DZIP3: variants seen among roughly 807,000 people sequenced by gnomAD.
DZIP3 encodes the protein DAZ interacting zinc finger protein 3, also known as E3 ubiquitin-protein ligase DZIP3.
A neutral mutation model predicts 162.0 loss-of-function variants in DZIP3; 118 were observed. That is an observed-to-expected ratio of 0.73 (90% CI 0.63 to 0.85). The LOEUF (loss-of-function observed/expected upper bound fraction) is 0.85, where lower values mean the gene tolerates loss of function less well. DZIP3 is among the 40% of genes least tolerant of loss of function. The pLI, the probability that DZIP3 is intolerant of heterozygous loss-of-function variation, is 0.00. For synonymous variants in DZIP3, 438 were observed against 458.6 expected (o/e 0.96, Z 0.57); for missense variants, 1,331 against 1,407.0 (o/e 0.95, Z 0.86).
At chr3:108,674,930 A>G (rs1944050120) in intron 24 of DZIP3, among the ~76,000 whole-genome samples, 1 of 151,960 alleles carries the variant, frequency 6.6e-6, no homozygotes, top group South Asian at 2.1e-4. Context: ...TTATCAGGAT[A>G]TACTGATGTG....
At position 108,694,325 on chromosome 3, in the gene DZIP3, A is replaced by G. The variant is rs1362392032; in HGVS notation, c.*972A>G. 2 of 152,240 alleles carry G rather than the reference A, an allele frequency of 1.3e-5. No individual in the cohort carries two copies. Among genetic ancestry groups the G allele is most frequent in the Non-Finnish European group, 2.9e-5 (2 of 68,074 alleles). The allele number at this position is 152,240 out of a possible 1,614,324, so 9.4% of individuals were successfully genotyped here. ...GCCAAGAATGTCTTAGAATTGCACA[A>G]TTTAGAATTTATAGAGCCTTTAATC... On this transcript the variant is annotated 3_prime_UTR_variant, in exon 33 of 33. Coordinates refer to ENST00000361582, the MANE Select transcript of DZIP3 (RefSeq NM_014648.4).
intron 4 of DZIP3, 95 bp downstream of exon 4, chr3:108,611,424 G>A: frequency 6.9e-7 from 1 of 1,444,064 alleles, no homozygotes; most frequent in Non-Finnish European, 9.3e-7. Context: ...GTATAGCCAA[G>A]GTCTTGAAAA....
intron 24 of DZIP3, 37 bp from the exon 25 acceptor site, chr3:108,675,745 AAAAG>A (rs765719855): frequency 3.8e-5 from 60 of 1,559,204 alleles, no homozygotes; most frequent in Non-Finnish European, 5.0e-5. Context: ...AAGTGTTATA[AAAAG>A]AAAGAGTTTT....
At chr3:108,658,573 TAAAAG>T (rs1943258541) in intron 19 of DZIP3, among the ~76,000 whole-genome samples, 1 of 151,370 alleles carries the variant, frequency 6.6e-6, no homozygotes, top group Admixed American at 6.6e-5. Flanking sequence ...ACATCACAAT[TAAAAG>T]AACTAGAGAA....
intron 13 of DZIP3, among the ~76,000 whole-genome samples, chr3:108,643,215 A>T (rs895679572): frequency 6.6e-6 from 1 of 152,168 alleles, no homozygotes; most frequent in Non-Finnish European, 1.5e-5. Context: ...TCCATATAAC[A>T]CCAAATGCCA....
At position 108,608,108 on chromosome 3, in the gene DZIP3, C is replaced by G. The variant is rs1241939537; in HGVS notation, c.52C>G (p.Gln18Glu). Residue 18 changes from glutamine (Q) to glutamate (E), a missense_variant, in exon 3 of 33, where the codon CAG (glutamine) becomes GAG (glutamate). Gln to Glu is a conservative substitution (Grantham distance 29, BLOSUM62 2). Transcript: ENST00000361582. Reference sequence around the variant, plus strand: ...AAATAGGCATCCTGCTGTGGAGGATCAGAGGAAGGAAGAAACTGAGAATAA... The same window carrying G: ...AAATAGGCATCCTGCTGTGGAGGATGAGAGGAAGGAAGAAACTGAGAATAA... ...FFVRHPAVED[Q>E]RKEETENKLE... 2.0e-5 allele frequency: 33 copies of G among 1,613,010 alleles called. No homozygotes were observed. The highest frequency in any genetic ancestry group is 2.6e-5 in the Non-Finnish European group (31 of 1,179,366).
chr3:108,637,426 T>C, intron 11 of DZIP3, 70 bp from the exon 12 acceptor site: 1 of 1,376,252 alleles, frequency 7.3e-7, no homozygotes. Context: ...AATGTTAAGC[T>C]AAGAAATAAC....
At chr3:108,668,023 T>C (rs970906978) in intron 21 of DZIP3, among the ~76,000 whole-genome samples, 1 of 152,156 alleles carries the variant, frequency 6.6e-6, no homozygotes. Context: ...TGTGATAAAA[T>C]ATAAATATTC....
Position 108,644,781 on chromosome 3 carries a change from G to C in DZIP3, c.1759G>C (p.Gly587Arg). The change falls in exon 14 of 33, where the codon GGA (glycine) becomes CGA (arginine). Residue 587 changes from glycine to arginine, a missense_variant and splice_region_variant. Coordinates refer to ENST00000361582, the MANE Select transcript of DZIP3 (RefSeq NM_014648.4). ...GAGGATGTTATCCTGCTATCAACAA[G>C]GTACTAAATGATTATTTACTTCAGC... The part of the protein sequence containing the change: ...IQRMLSCYQQ[G>R]IALQSITGSQ... The C allele has an allele frequency of 6.3e-7, 1 of 1,590,796 alleles. No homozygotes were observed. The highest frequency in any genetic ancestry group is 1.7e-4 in the Middle Eastern group (1 of 6,022).
intron 25 of DZIP3, among the ~76,000 whole-genome samples, chr3:108,677,212 T>C (rs1432325132): frequency 6.6e-6 from 1 of 152,088 alleles, no homozygotes. Flanking sequence ...ATTTTAGAGC[T>C]GAAAATTTTG....
At chr3:108,600,032 G>C (rs1335560127) in intron 1 of DZIP3, among the ~76,000 whole-genome samples, 1 of 151,756 alleles carries the variant, frequency 6.6e-6, no homozygotes, top group Non-Finnish European at 1.5e-5. Flanking sequence ...TTAAAATTCT[G>C]ATTCCAAGGA....
At chr3:108,666,223 A>T (rs972283441) in intron 21 of DZIP3, among the ~76,000 whole-genome samples, 1 of 152,138 alleles carries the variant, frequency 6.6e-6, no homozygotes, top group Admixed American at 6.5e-5. Context: ...GGGATATATC[A>T]TGCAGATGTT....
chr3:108,630,093 G>T (rs988732201), intron 8 of DZIP3, among the ~76,000 whole-genome samples: 1 of 151,924 alleles, frequency 6.6e-6, no homozygotes, highest in East Asian at 1.9e-4. Context: ...TCAGAAAATT[G>T]TACCACTTTA....
At chr3:108,598,535 C>G (rs1254041763) in intron 1 of DZIP3, among the ~76,000 whole-genome samples, 1 of 152,140 alleles carries the variant, frequency 6.6e-6, no homozygotes, top group Non-Finnish European at 1.5e-5. Context: ...ACGCTTCTTA[C>G]AAATGTATGC....
At chr3:108,663,117 T>C (rs2107307353) in intron 21 of DZIP3, among the ~76,000 whole-genome samples, 1 of 152,334 alleles carries the variant, frequency 6.6e-6, no homozygotes, top group Admixed American at 6.5e-5. Context: ...CAGGAAGAAC[T>C]AGGTGCCATA....
chr3:108,689,052 G>A (rs1294765080), intron 31 of DZIP3, 128 bp downstream of exon 31: 5 of 867,284 alleles, frequency 5.8e-6, no homozygotes, highest in African/African-American at 5.1e-5. Context: ...GAGCTTTTGG[G>A]TACCACACAG....
Position 108,644,202 on chromosome 3 carries a change from T to C in DZIP3, c.1180T>C (p.Tyr394His), listed in dbSNP as rs1389959270. ...CTTCAAGCTTGATTATAATTATTTC[T>C]ATCATCTGCTTCATATAATTATTAT... The part of the protein sequence containing the change: ...PIFKLDYNYF[Y>H]HLLHIIIISG... The change falls in exon 14 of 33, where the codon TAT becomes CAT. Residue 394 changes from tyrosine to histidine, a missense_variant. Around this residue, in one of 2 missense-constraint regions of DZIP3, gnomAD observed 1,278 missense variants for 1,317.1 expected, o/e 0.97. Coordinates refer to ENST00000361582, the MANE Select transcript of DZIP3 (RefSeq NM_014648.4). The C allele has an allele frequency of 1.9e-6, 3 of 1,605,654 alleles. No individual in the cohort carries two copies. Among genetic ancestry groups the C allele is most frequent in the Non-Finnish European group, 1.7e-6 (2 of 1,177,148 alleles).
chr3:108,651,585 C>T lies in DZIP3; in HGVS notation c.2033+423C>T, dbSNP rs199620301. 5.4e-3 allele frequency among the ~76,000 whole-genome samples: 818 copies of T among 151,560 alleles called. 7 individuals are homozygous for T. The highest frequency in any genetic ancestry group is 7.7e-3 in the Non-Finnish European group (519 of 67,574). On this transcript the variant is annotated intron_variant, in intron 18 of 32. Coordinates refer to ENST00000361582, the MANE Select transcript of DZIP3 (RefSeq NM_014648.4). Reference sequence around the variant, plus strand: ...AGCCTAGGTGTGTAGTAGGCTATACCGTCTAGTTTTGTTATGTCCCAGTGA... The same window carrying T: ...AGCCTAGGTGTGTAGTAGGCTATACTGTCTAGTTTTGTTATGTCCCAGTGA...
In DZIP3 at chr3:108,637,655, T is replaced by TTAAGGTAG. The variant is rs1279902816; in HGVS notation, c.1064+114_1064+115insGTAAGGTA. The TTAAGGTAG allele has an allele frequency of 1.5e-5, 9 of 594,796 alleles. No homozygotes were observed. The South Asian group carries it at 2.4e-4, about 16-fold the overall frequency. The allele number at this position is 594,796 out of a possible 1,614,324, so 36.8% of individuals were successfully genotyped here. A position where few individuals can be genotyped will look rare whatever the true frequency, so the allele number is the denominator to read the frequency against. ...TCACCTAATAGAGCTGCATTAAATT[T>TTAAGGTAG]TAAGGTATGTGAAAAAATCATATTT... On this transcript the variant is annotated intron_variant, in intron 12 of 32. Coordinates refer to ENST00000361582, the MANE Select transcript of DZIP3 (RefSeq NM_014648.4).
Sources: allele counts gnomAD v4.1 joint callset (sites outside exome capture counted in the v4.1 genomes callset), GRCh38; gene constraint gnomAD v4.1.1; regional missense constraint gnomAD v4.1.1; transcripts MANE v1.5; gene names NCBI Gene and HGNC (gene_info 2026-07-23, HGNC 2026-07-21).